HEMK2: variants seen among roughly 807,000 people sequenced by gnomAD.
The protein encoded by HEMK2 is HemK methyltransferase 2, ETF1 glutamine and histone H4 lysine.
At chr21:28,859,427 T>C in the HEMK2 span, among the ~76,000 whole-genome samples, 4 of 152,210 alleles carry the variant, frequency 2.6e-5, no homozygotes, top group East Asian at 1.9e-4. Context: ...CCAATTCAGA[T>C]GTCAATAATC....
chr21:28,656,287 C>T, the HEMK2 span, among the ~76,000 whole-genome samples: 16 of 152,096 alleles, frequency 1.1e-4, no homozygotes, highest in Non-Finnish European at 1.6e-4. Context: ...ATAGAAAACA[C>T]GGTCTGGGGA....
At chr21:28,827,679 C>A in the HEMK2 span, among the ~76,000 whole-genome samples, 1 of 152,210 alleles carries the variant, frequency 6.6e-6, no homozygotes, top group Non-Finnish European at 1.5e-5. Context: ...AAGATCTTAA[C>A]CACTATGTTG....
At chr21:28,863,413 TA>T in the HEMK2 span, among the ~76,000 whole-genome samples, 379 of 24,134 alleles carry the variant, frequency 0.016, 48 homozygotes, top group African/African-American at 0.034. Context: ...CTCCCTTTTA[TA>T]TATATATATA....
At chr21:28,650,123 G>A in the HEMK2 span, among the ~76,000 whole-genome samples, 56 of 152,290 alleles carry the variant, frequency 3.7e-4, no homozygotes, top group African/African-American at 1.1e-3. Flanking sequence ...CCAGCCAGGC[G>A]CGGTGGCTCA....
chr21:28,863,407 C>CTTTT, the HEMK2 span, among the ~76,000 whole-genome samples: 8 of 66,470 alleles, frequency 1.2e-4, no homozygotes, highest in African/African-American at 4.4e-4. Flanking sequence ...AATAAACTCC[C>CTTTT]TTTTATATAT....
At chr21:28,665,386 AAT>A in the HEMK2 span, among the ~76,000 whole-genome samples, 1 of 7,530 alleles carries the variant, frequency 1.3e-4, no homozygotes, top group East Asian at 5.4e-3. Flanking sequence ...TTTTTTTTTT[AAT>A]TTTTTTTTTT....
At chr21:28,671,806 C>T in the HEMK2 span, among the ~76,000 whole-genome samples, 1 of 152,274 alleles carries the variant, frequency 6.6e-6, no homozygotes, top group Non-Finnish European at 1.5e-5. Context: ...AAACATGATC[C>T]TCTGAATCAT....
At chr21:28,821,103 T>C in the HEMK2 span, among the ~76,000 whole-genome samples, 1 of 152,300 alleles carries the variant, frequency 6.6e-6, no homozygotes, top group East Asian at 1.9e-4. Context: ...TGAAATGCAG[T>C]TTTTGTCTGA....
At chr21:28,580,843 C>T in the HEMK2 span, among the ~76,000 whole-genome samples, 1 of 152,112 alleles carries the variant, frequency 6.6e-6, no homozygotes, top group Non-Finnish European at 1.5e-5. Flanking sequence ...TGTTTCCCTT[C>T]CCAACTAGAA....
At chr21:28,783,258 C>A in the HEMK2 span, among the ~76,000 whole-genome samples, 1 of 152,058 alleles carries the variant, frequency 6.6e-6, no homozygotes, top group Non-Finnish European at 1.5e-5. Context: ...GATCCCAGAT[C>A]ACTGCAACCT....
the HEMK2 span, among the ~76,000 whole-genome samples, chr21:28,860,609 T>G: frequency 1.3e-5 from 2 of 152,136 alleles, no homozygotes; most frequent in Admixed American, 1.3e-4. Flanking sequence ...AAGCAGATAC[T>G]GAGCCTCAAA....
chr21:28,652,182 T>C, the HEMK2 span, among the ~76,000 whole-genome samples: 1 of 152,236 alleles, frequency 6.6e-6, no homozygotes, highest in Non-Finnish European at 1.5e-5. Context: ...ATATTTATGA[T>C]ACTGTTGATC....
chr21:28,583,165 T>A, the HEMK2 span, among the ~76,000 whole-genome samples: 5 of 152,224 alleles, frequency 3.3e-5, no homozygotes, highest in Non-Finnish European at 7.3e-5. Flanking sequence ...AGCTAAAGAA[T>A]TATGTAAGAT....
At chr21:28,766,219 G>A in the HEMK2 span, among the ~76,000 whole-genome samples, 1 of 151,876 alleles carries the variant, frequency 6.6e-6, no homozygotes, top group African/African-American at 2.4e-5. Flanking sequence ...TGAGTTGATG[G>A]GTGCAGCAAA....
At chr21:28,803,954 G>C in the HEMK2 span, among the ~76,000 whole-genome samples, 2 of 152,228 alleles carry the variant, frequency 1.3e-5, no homozygotes, top group African/African-American at 4.8e-5. Context: ...TTCTGTCCTT[G>C]TTACAGTTGC....
chr21:28,873,519 T>C, the HEMK2 span: 1 of 152,240 alleles, frequency 6.6e-6, no homozygotes, highest in Non-Finnish European at 1.5e-5. Context: ...ACTTACCTGG[T>C]GGTGACCCAA....
the HEMK2 span, among the ~76,000 whole-genome samples, chr21:28,634,681 G>C: frequency 6.6e-6 from 1 of 152,068 alleles, no homozygotes; most frequent in Non-Finnish European, 1.5e-5. Flanking sequence ...TGACTTACTG[G>C]TTATATGAAC....
the HEMK2 span, among the ~76,000 whole-genome samples, chr21:28,713,360 G>C: frequency 9.1e-4 from 139 of 152,224 alleles, no homozygotes; most frequent in Middle Eastern, 3.4e-3. Context: ...TCTCTCCCCA[G>C]CTTAAAGCCC....
At chr21:28,733,950 AG>A in the HEMK2 span, among the ~76,000 whole-genome samples, 1 of 152,238 alleles carries the variant, frequency 6.6e-6, no homozygotes, top group Non-Finnish European at 1.5e-5. Context: ...CTCCATCCAC[AG>A]ATGTCTGTTC....
Sources: gnomAD v4.1 joint callset for allele counts (sites outside exome capture counted in the v4.1 genomes callset) on GRCh38, gnomAD v4.1.1 for gene constraint, MANE v1.5 for transcripts, NCBI Gene and HGNC (gene_info 2026-07-23, HGNC 2026-07-21) for gene names.